ERC1: variants seen among roughly 807,000 people sequenced by gnomAD.
ERC1 encodes the protein RAB6 interacting protein 2.
In ERC1, 56 loss-of-function variants were observed where a neutral mutation model predicts 132.0. That is an observed-to-expected ratio of 0.42 (90% CI 0.34 to 0.53). ERC1 has a LOEUF of 0.53. Ranked by LOEUF, ERC1 falls within the 20% of genes least tolerant of loss-of-function variation. The pLI, the probability that ERC1 is intolerant of heterozygous loss-of-function variation, is 0.03. For missense variants in ERC1, 1,202 were observed against 1,349.9 expected (o/e 0.89, Z 1.72); for synonymous variants, 478 against 476.1 (o/e 1.00, Z -0.05).
At chr12:1,488,030 C>T (rs549721866) in intron 18 of ERC1, among the ~76,000 whole-genome samples, 61 of 150,856 alleles carry the variant, frequency 4.0e-4, no homozygotes, top group Non-Finnish European at 6.2e-4. Context: ...CCCAGGTACT[C>T]GGAAGGCTGA....
chr12:1,052,143 C>G (rs943253521), intron 2 of ERC1, among the ~76,000 whole-genome samples: 1 of 152,180 alleles, frequency 6.6e-6, no homozygotes, highest in African/African-American at 2.4e-5. Flanking sequence ...TGGGACTCAT[C>G]CTCAGAATTT....
chr12:1,154,236 T>C (rs1410559919), intron 8 of ERC1, among the ~76,000 whole-genome samples: 1 of 76,770 alleles, frequency 1.3e-5, no homozygotes, highest in African/African-American at 7.2e-5. Context: ...TATGTATATG[T>C]ATATGTATAT....
intron 8 of ERC1, among the ~76,000 whole-genome samples, chr12:1,149,112 G>A (rs1164250942): frequency 6.6e-6 from 1 of 152,174 alleles, no homozygotes; most frequent in Non-Finnish European, 1.5e-5. Context: ...CGTAGGTTTA[G>A]AGAAGTTTAA....
intron 8 of ERC1, among the ~76,000 whole-genome samples, chr12:1,171,863 A>G (rs1299278524): frequency 6.6e-6 from 1 of 152,182 alleles, no homozygotes; most frequent in Non-Finnish European, 1.5e-5. Context: ...CTGAAACATG[A>G]TAGCTCCTGA....
rs56939346 is a variant in ERC1 at position 1,493,548 on chromosome 12, A to AAAAAAAAT, written c.*3319_*3320insAAAAAATA. On this transcript the variant is annotated 3_prime_UTR_variant, in exon 19 of 19. Coordinates refer to ENST00000360905, the MANE Select transcript of ERC1 (RefSeq NM_178040.4). ...ACTCCATTTAAAAAAAAAAAAAAAA[A>AAAAAAAAT]ATATATATATATATATATATATATA... The AAAAAAAAT allele has an allele frequency of 1.0e-3, 14 of 13,622 alleles. 1 individual carries two copies. The highest frequency in any genetic ancestry group is 7.2e-3 in the East Asian group (2 of 278). The allele number at this position is 13,622 out of a possible 1,614,324, so 0.8% of individuals were successfully genotyped here. A position where few individuals can be genotyped will look rare whatever the true frequency, so the allele number is the denominator to read the frequency against.
intron 1 of ERC1, among the ~76,000 whole-genome samples, chr12:997,636 G>A (rs1375837570): frequency 6.6e-6 from 1 of 152,152 alleles, no homozygotes; most frequent in African/African-American, 2.4e-5. Flanking sequence ...TGTCCAGGTG[G>A]TCATTAGCTG....
chr12:1,247,003 C>A (rs2076193426), intron 13 of ERC1, among the ~76,000 whole-genome samples: 1 of 152,060 alleles, frequency 6.6e-6, no homozygotes, highest in African/African-American at 2.4e-5. Context: ...GTGGTGCATA[C>A]CTATAGTCCC....
chr12:1,016,647 T>TC (rs1458139826), intron 1 of ERC1, among the ~76,000 whole-genome samples: 3 of 150,350 alleles, frequency 2.0e-5, no homozygotes, highest in Non-Finnish European at 4.4e-5. Flanking sequence ...TTTTTTTTTT[T>TC]TTTTTGATTT....
intron 14 of ERC1, among the ~76,000 whole-genome samples, chr12:1,288,540 A>G (rs1392752638): frequency 6.6e-6 from 1 of 152,244 alleles, no homozygotes; most frequent in Non-Finnish European, 1.5e-5. Flanking sequence ...TTTGCTTACT[A>G]TCATTGTTTA....
chr12:1,331,602 C>T (rs1231931278), intron 15 of ERC1, among the ~76,000 whole-genome samples: 2 of 152,098 alleles, frequency 1.3e-5, no homozygotes, highest in African/African-American at 4.8e-5. Context: ...CTGCTTGATT[C>T]GTTATGCCCT....
intron 6 of ERC1, among the ~76,000 whole-genome samples, chr12:1,113,615 T>A (rs1204622250): frequency 1.3e-5 from 2 of 152,258 alleles, no homozygotes; most frequent in Non-Finnish European, 2.9e-5. Context: ...CACTTTATAG[T>A]ATATATTAAA....
chr12:1,492,374 C>T lies in ERC1; in HGVS notation c.*2144C>T, dbSNP rs11061781. 0.024 allele frequency: 5,662 copies of T among 233,084 alleles called. 72 individuals carry two copies. The highest frequency in any genetic ancestry group is 0.029 in the Non-Finnish European group (3,452 of 117,940). The allele number at this position is 233,084 out of a possible 1,614,324, so 14.4% of individuals were successfully genotyped here. On this transcript the variant is annotated 3_prime_UTR_variant, in exon 19 of 19. Coordinates refer to ENST00000360905, the MANE Select transcript of ERC1 (RefSeq NM_178040.4). ...TTATCCACCATAACGTAAAGAACTGCGGTGTGATAACAGCCTTCACGGGGC... is the reference window on the plus strand; with the variant it reads ...TTATCCACCATAACGTAAAGAACTGTGGTGTGATAACAGCCTTCACGGGGC...
intron 3 of ERC1, among the ~76,000 whole-genome samples, chr12:1,099,489 A>G (rs1347980098): frequency 6.6e-6 from 1 of 152,198 alleles, no homozygotes; most frequent in Admixed American, 6.5e-5. Context: ...AGGAAACTTT[A>G]CAAGATCCCA....
intron 8 of ERC1, among the ~76,000 whole-genome samples, chr12:1,142,367 C>T (rs943937307): frequency 4.6e-5 from 7 of 152,138 alleles, no homozygotes; most frequent in African/African-American, 9.7e-5. Context: ...TATACTATAG[C>T]AAAATTTCTA....
Position 1,372,808 on chromosome 12 carries a change from G to A in ERC1, c.2925+831G>A, listed in dbSNP as rs1021534650. The stretch of plus-strand genomic sequence containing the variant: ...TGTGCTCTTTGCCCTCAAGTAATGA[G>A]ACCGAGAAAGAGCTTTTCAAGTAAA... On this transcript the variant is annotated intron_variant, in intron 16 of 18. Coordinates refer to ENST00000360905, the MANE Select transcript of ERC1 (RefSeq NM_178040.4). 3.3e-5 allele frequency among the ~76,000 whole-genome samples: 5 copies of A among 152,184 alleles called. No homozygotes were observed. In the East Asian group the frequency reaches 9.6e-4, roughly 29 times the overall value.
At chr12:1,296,045 T>C (rs994873598) in intron 15 of ERC1, among the ~76,000 whole-genome samples, 3 of 150,320 alleles carry the variant, frequency 2.0e-5, no homozygotes, top group Non-Finnish European at 4.4e-5. Flanking sequence ...TTCACCCTTA[T>C]ACATTAAAGA....
chr12:1,445,805 G>A (rs1000259376), intron 18 of ERC1, among the ~76,000 whole-genome samples: 3 of 152,212 alleles, frequency 2.0e-5, no homozygotes, highest in Admixed American at 6.5e-5. Context: ...TCCATGAAGC[G>A]GTAGCCACTG....
At chr12:1,068,174 C>T (rs1939608114) in intron 2 of ERC1, among the ~76,000 whole-genome samples, 1 of 119,724 alleles carries the variant, frequency 8.4e-6, no homozygotes. Context: ...TTGTGATCTG[C>T]CCACCTCGGC....
In ERC1 at chr12:1,490,240, A is replaced by G. The variant is rs1467191819; in HGVS notation, c.*10A>G. 1.9e-6 allele frequency: 3 copies of G among 1,612,830 alleles called. No homozygotes were observed. The Admixed American group carries it at 5.0e-5, about 27-fold the overall frequency. ...GGAAGAGTCCTCTTGACCCTGCTTT[A>G]TGGGGAAGCCTGAGGTAGTCAACCC... On this transcript the variant is annotated 3_prime_UTR_variant, in exon 19 of 19. Transcript: ENST00000360905.
Sources: gnomAD v4.1 joint callset for allele counts (sites outside exome capture counted in the v4.1 genomes callset) on GRCh38, gnomAD v4.1.1 for gene constraint, MANE v1.5 for transcripts, NCBI Gene and HGNC (gene_info 2026-07-23, HGNC 2026-07-21) for gene names.